NAALADL2: variants seen among roughly 807,000 people sequenced by gnomAD.
NAALADL2 encodes inactive N-acetylated-alpha-linked acidic dipeptidase-like protein 2.
A neutral mutation model predicts 87.2 loss-of-function variants in NAALADL2; 76 were observed. The ratio of observed to expected loss-of-function variants is 0.87; its 90% confidence interval spans 0.72 to 1.05. NAALADL2 has a LOEUF of 1.05. Ranked by LOEUF, NAALADL2 falls within the 50% of genes least tolerant of loss-of-function variation. The probability of loss-of-function intolerance (pLI) is 0.00; values close to 1 mark genes in which losing one functional copy is unlikely to be tolerated. For synonymous variants in NAALADL2, 354 were observed against 331.0 expected (o/e 1.07, Z -0.75); for missense variants, 1,089 against 945.8 (o/e 1.15, Z -1.99).
chr3:175,557,880 T>C (rs1376048432), intron 9 of NAALADL2, among the ~76,000 whole-genome samples: 1 of 152,116 alleles, frequency 6.6e-6, no homozygotes, highest in Non-Finnish European at 1.5e-5. Flanking sequence ...TGTTTGTCAT[T>C]CGCATGTCTT....
chr3:175,481,402 A>G (rs1299657356), intron 9 of NAALADL2, among the ~76,000 whole-genome samples: 1 of 150,218 alleles, frequency 6.7e-6, no homozygotes, highest in Admixed American at 6.7e-5. Context: ...TCCCTTTTCA[A>G]TTAGGAAGCT....
chr3:175,475,128 A>G (rs1055626596), intron 9 of NAALADL2, among the ~76,000 whole-genome samples: 4 of 151,898 alleles, frequency 2.6e-5, no homozygotes, highest in South Asian at 2.1e-4. Flanking sequence ...AGGATGTTCT[A>G]TAGACATCAG....
intron 1 of NAALADL2, among the ~76,000 whole-genome samples, chr3:174,524,302 G>A (rs774623715): frequency 9.2e-5 from 14 of 152,204 alleles, no homozygotes; most frequent in South Asian, 2.1e-4. Context: ...TTTATGTAGC[G>A]CATTGGGGAA....
chr3:175,209,277 G>A (rs144767491), intron 2 of NAALADL2, among the ~76,000 whole-genome samples: 5 of 151,898 alleles, frequency 3.3e-5, no homozygotes, highest in Non-Finnish European at 5.9e-5. Context: ...GAAGATAAAA[G>A]CAGAAAAAAA....
chr3:174,659,743 A>G (rs1245876197), intron 2 of NAALADL2, among the ~76,000 whole-genome samples: 1 of 152,180 alleles, frequency 6.6e-6, no homozygotes, highest in Non-Finnish European at 1.5e-5. Flanking sequence ...TGTCTGATAA[A>G]TGGCAACAAA....
intron 2 of NAALADL2, among the ~76,000 whole-genome samples, chr3:175,156,471 T>C (rs1276919832): frequency 6.6e-6 from 1 of 152,162 alleles, no homozygotes; most frequent in Non-Finnish European, 1.5e-5. Context: ...ACATTGCTTT[T>C]TTATTTGAAC....
chr3:175,743,334 A>T (rs1235558314), intron 12 of NAALADL2, among the ~76,000 whole-genome samples: 1 of 152,098 alleles, frequency 6.6e-6, no homozygotes, highest in Admixed American at 6.5e-5. Context: ...TTCAGGGGAG[A>T]GGGCCAGGAG....
rs375582697 is a variant in NAALADL2, at chr3:175,467,171, A to T, written c.1520A>T (p.Tyr507Phe). The change falls in exon 8 of 14, where the codon TAT becomes TTT. Residue 507 changes from tyrosine (Y) to phenylalanine (F), a missense_variant. Coordinates refer to ENST00000454872, the MANE Select transcript of NAALADL2 (RefSeq NM_207015.3). ...GGTAFGNIGS[Y>F]EWGEDFKKVL... Reference sequence around the variant, plus strand: ...ACAGCTTTTGGCAATATTGGCTCATATGAATGGGGAGAGGTAAAGCAAAAT... The same window carrying T: ...ACAGCTTTTGGCAATATTGGCTCATTTGAATGGGGAGAGGTAAAGCAAAAT... 6 of 1,613,414 alleles carry T rather than the reference A, an allele frequency of 3.7e-6. No individual in the cohort carries two copies. Among genetic ancestry groups the T allele is most frequent in the Non-Finnish European group, 5.1e-6 (6 of 1,179,516 alleles).
intron 2 of NAALADL2, among the ~76,000 whole-genome samples, chr3:175,101,809 CAAA>C (rs78812838): frequency 0.2 from 31,028 of 151,976 alleles, 3,541 homozygotes; most frequent in Non-Finnish European, 0.27. Context: ...AATGGTGAGA[CAAA>C]AAGGAGAAAA....
At chr3:175,109,742 C>T (rs1306385597) in intron 2 of NAALADL2, among the ~76,000 whole-genome samples, 1 of 151,732 alleles carries the variant, frequency 6.6e-6, no homozygotes, top group Admixed American at 6.6e-5. Context: ...TCAGAGCCTG[C>T]CCCACCTCTT....
At chr3:174,685,347 A>G (rs1727933196) in intron 2 of NAALADL2, among the ~76,000 whole-genome samples, 1 of 152,058 alleles carries the variant, frequency 6.6e-6, no homozygotes, top group Non-Finnish European at 1.5e-5. Context: ...TCTACAAGCA[A>G]TCTGTTGTCA....
chr3:175,095,364 C>T (rs563573150), intron 1 of NAALADL2, among the ~76,000 whole-genome samples: 125 of 151,932 alleles, frequency 8.2e-4, no homozygotes, highest in Admixed American at 2.5e-3. Flanking sequence ...TTTGATGGGT[C>T]GCTATTTGTG....
intron 4 of NAALADL2, among the ~76,000 whole-genome samples, chr3:175,262,064 A>G (rs145003959): frequency 6.0e-4 from 92 of 152,206 alleles, no homozygotes; most frequent in Middle Eastern, 3.4e-3. Flanking sequence ...TTCAAACACA[A>G]CTGAATCCAG....
chr3:175,300,593 C>A (rs1158393317), intron 4 of NAALADL2, among the ~76,000 whole-genome samples: 1 of 151,774 alleles, frequency 6.6e-6, no homozygotes. Flanking sequence ...TTATTGTATT[C>A]TCTGATGGTA....
In NAALADL2 at chr3:175,096,824, T is replaced by A. The variant is rs1043141975; in HGVS notation, c.78T>A (p.Asp26Glu). 1 of 1,600,530 alleles carries A rather than the reference T, an allele frequency of 6.2e-7. No homozygotes were observed. The highest frequency in any genetic ancestry group is 2.2e-5 in the East Asian group (1 of 44,662). The stretch of plus-strand genomic sequence containing the variant: ...TGGCCTATCAGAAGGTCCATGCAGA[T>A]CAAAGAGCTCCAGGACACTCACAGT... ...KKMAYQKVHADQRAPGHSQYL... is the reference protein window; with the variant it reads ...KKMAYQKVHAEQRAPGHSQYL... The change falls in exon 2 of 14, where the codon GAT (aspartate) becomes GAA (glutamate). Residue 26 changes from aspartate (D) to glutamate (E), a missense_variant. By Grantham distance (45) the Asp-to-Glu change is conservative (BLOSUM62 2). Transcript: ENST00000454872.
At chr3:174,552,616 GAAATCCTGTCTCTGCAAAA>G (rs1218933348) in intron 2 of NAALADL2, among the ~76,000 whole-genome samples, 1 of 151,604 alleles carries the variant, frequency 6.6e-6, no homozygotes, top group Non-Finnish European at 1.5e-5. Context: ...GAAACATGGC[GAAATCCTGTCTCTGCAAAA>G]AAATACCAAA....
At chr3:175,380,406 CT>C (rs1767655455) in intron 5 of NAALADL2, among the ~76,000 whole-genome samples, 1 of 152,068 alleles carries the variant, frequency 6.6e-6, no homozygotes, top group Non-Finnish European at 1.5e-5. Flanking sequence ...CAGCTTGACA[CT>C]TTTCAGTGTC....
intron 5 of NAALADL2, among the ~76,000 whole-genome samples, chr3:175,365,983 T>C (rs1413668591): frequency 7.1e-6 from 1 of 140,002 alleles, no homozygotes; most frequent in Non-Finnish European, 1.6e-5. Context: ...ACTCGTCATT[T>C]AGCATTAGGT....
intron 5 of NAALADL2, among the ~76,000 whole-genome samples, chr3:175,397,651 G>A (rs1294595768): frequency 6.6e-6 from 1 of 152,142 alleles, no homozygotes; most frequent in African/African-American, 2.4e-5. Context: ...AAGCGAGTGT[G>A]ATTTCTGGAT....
Sources: allele counts gnomAD v4.1 joint callset (sites outside exome capture counted in the v4.1 genomes callset), GRCh38; gene constraint gnomAD v4.1.1; transcripts MANE v1.5; gene names NCBI Gene and HGNC (gene_info 2026-07-23, HGNC 2026-07-21).